CFAP58: variants seen among roughly 807,000 people sequenced by gnomAD.
The protein encoded by CFAP58 is cilia and flagella associated protein 58, also known as cilia- and flagella-associated protein 58.
Under a neutral mutation model 119.5 loss-of-function variants are expected in CFAP58, and 88 were observed. That is an observed-to-expected ratio of 0.74 (90% confidence interval 0.62 to 0.88). CFAP58 has a LOEUF of 0.88. Ranked by LOEUF, CFAP58 falls within the 40% of genes least tolerant of loss-of-function variation. The pLI is 0.00. For missense variants in CFAP58, 990 were observed against 1,021.2 expected (o/e 0.97, Z 0.42); for synonymous variants, 365 against 366.3 (o/e 1.00, Z 0.04).
intron 5 of CFAP58, among the ~76,000 whole-genome samples, chr10:104,367,019 TG>T (rs1404869419): frequency 2.0e-5 from 3 of 151,924 alleles, no homozygotes; most frequent in Admixed American, 6.6e-5. Flanking sequence ...CCACCATGCC[TG>T]GCTAATTTTT....
chr10:104,338,605 C>T, the CFAP58 span, among the ~76,000 whole-genome samples: 2 of 152,176 alleles, frequency 1.3e-5, no homozygotes, highest in Admixed American at 6.5e-5. Flanking sequence ...CCAGTGAGCC[C>T]CCAGAAACTT....
rs367965991 is a variant in CFAP58 at position 104,357,820 on chromosome 10, T to C, written c.10-521T>C. 8.3e-4 allele frequency among the ~76,000 whole-genome samples: 123 copies of C among 147,478 alleles called. 1 individual carries two copies. Among genetic ancestry groups the C allele is most frequent in the Admixed American group, 1.5e-3 (22 of 14,808 alleles). ...ATATATACACACATATATATGTACATATATACACATATATGTACACATATG... is the reference window on the plus strand; with the variant it reads ...ATATATACACACATATATATGTACACATATACACATATATGTACACATATG... On this transcript the variant is annotated intron_variant, in intron 1 of 17. Transcript: ENST00000369704.
intron 15 of CFAP58, among the ~76,000 whole-genome samples, chr10:104,434,826 C>T (rs1051658409): frequency 1.3e-5 from 2 of 152,170 alleles, no homozygotes; most frequent in Non-Finnish European, 2.9e-5. Context: ...CTGCCTCTCC[C>T]ATTAGACTCT....
chr10:104,397,778 C>T (rs1437298729), intron 11 of CFAP58, among the ~76,000 whole-genome samples: 4 of 152,200 alleles, frequency 2.6e-5, no homozygotes, highest in Non-Finnish European at 4.4e-5. Flanking sequence ...TTTGTTCTGA[C>T]CTGGTCTGTG....
Position 104,365,886 on chromosome 10 carries a change from G to C in CFAP58, c.670G>C (p.Glu224Gln), listed in dbSNP as rs755346650. The change falls in exon 5 of 18, where the codon GAG becomes CAG. Residue 224 changes from glutamate to glutamine, a missense_variant. By Grantham distance (29) the Glu-to-Gln change is conservative (BLOSUM62 2). Transcript: ENST00000369704. ...CCGGAAGAAGGAAAAACTAGAGAAAGAGCTCAAGCAGATTCAGGCAGACAT... is the reference window on the plus strand; with the variant it reads ...CCGGAAGAAGGAAAAACTAGAGAAACAGCTCAAGCAGATTCAGGCAGACAT... ...EFRKKEKLEK[E>Q]LKQIQADMDS... 7.4e-6 allele frequency: 12 copies of C among 1,613,556 alleles called. No individual in the cohort carries two copies. The highest frequency in any genetic ancestry group is 1.3e-5 in the African/African-American group (1 of 74,930).
chr10:104,454,643 G>A lies in CFAP58; in HGVS notation c.*113G>A. ...GAACTGAGTGCTGAGAATCCAGGAT[G>A]GAAAGAAATGCAGAACTATCATAGT... On this transcript the variant is annotated 3_prime_UTR_variant, in exon 18 of 18. Transcript: ENST00000369704. 1 of 744,344 alleles carries A rather than the reference G, an allele frequency of 1.3e-6. No individual in the cohort carries two copies. The highest frequency in any genetic ancestry group is 2.3e-6 in the Non-Finnish European group (1 of 428,690). 46.1% of individuals were successfully genotyped at this position (744,344 alleles called of 1,614,324 possible). A position where few individuals can be genotyped will look rare whatever the true frequency, so the allele number is the denominator to read the frequency against.
chr10:104,389,557 C>T (rs1214062608), intron 9 of CFAP58, among the ~76,000 whole-genome samples: 1 of 152,158 alleles, frequency 6.6e-6, no homozygotes, highest in Non-Finnish European at 1.5e-5. Context: ...AAGCATTAAC[C>T]TTTCAGTCTT....
rs779286581 is a variant in CFAP58, at chr10:104,365,962, G to A, written c.746G>A (p.Ser249Asn). ...IKALQQYVQK[S>N]KEELQKLEQQ... ...GCCCTGCAGCAGTATGTGCAGAAGA[G>A]CAAGGAGGAGCTTCAGAAGCTGGAG... The change falls in exon 5 of 18, where the codon AGC (serine) becomes AAC (asparagine). Residue 249 changes from serine (S) to asparagine (N), a missense_variant. Coordinates refer to ENST00000369704, the MANE Select transcript of CFAP58 (RefSeq NM_001008723.2). 8.7e-6 allele frequency: 14 copies of A among 1,608,696 alleles called. No individual in the cohort carries two copies. The Admixed American group carries it at 1.2e-4, about 14-fold the overall frequency.
intron 15 of CFAP58, among the ~76,000 whole-genome samples, chr10:104,426,434 C>G (rs1041194841): frequency 2.0e-5 from 3 of 151,884 alleles, no homozygotes; most frequent in Non-Finnish European, 4.4e-5. Context: ...TCCTTCCCCC[C>G]GCCGCCTTCC....
rs202205374 is a variant in CFAP58 at position 104,399,464 on chromosome 10, C to G, written c.1779C>G (p.Asp593Glu). The G allele has an allele frequency of 3.1e-6, 5 of 1,613,692 alleles. No homozygotes were observed. The Admixed American group carries it at 5.0e-5, about 16-fold the overall frequency. Residue 593 changes from aspartate to glutamate, a missense_variant, in exon 12 of 18, where the codon GAC (aspartate) becomes GAG (glutamate). By Grantham distance (45) the Asp-to-Glu change is conservative. Transcript: ENST00000369704. ...TCCTGCGAATAATTGCTGAGGCTGA[C>G]GGGGAGAGGTTGAGACAGAAGAAGG... ...RKLLRIIAEA[D>E]GERLRQKKEL...
rs151283244 is a variant in CFAP58 at position 104,381,221 on chromosome 10, C to T, written c.1365+1001C>T. 3.2e-4 allele frequency among the ~76,000 whole-genome samples: 49 copies of T among 152,294 alleles called. 1 individual carries two copies. Among genetic ancestry groups the T allele is most frequent in the African/African-American group, 1.0e-3 (42 of 41,574 alleles). ...TGGAGGAAATCCAAACATTGGGGAG[C>T]TGAGTTCTAGATCTCTGCTTCTTAT... is the stretch of plus-strand genomic sequence containing the variant. On this transcript the variant is annotated intron_variant, in intron 9 of 17. Transcript: ENST00000369704.
At chr10:104,426,208 C>T (rs1353781464) in intron 15 of CFAP58, among the ~76,000 whole-genome samples, 4 of 152,122 alleles carry the variant, frequency 2.6e-5, no homozygotes, top group South Asian at 4.1e-4. Context: ...CAGTGCACTC[C>T]GGTCTGGGCA....
At chr10:104,396,771 A>T (rs1208758372) in intron 11 of CFAP58, among the ~76,000 whole-genome samples, 2 of 152,202 alleles carry the variant, frequency 1.3e-5, no homozygotes, top group African/African-American at 4.8e-5. Context: ...CTCAGGTCCC[A>T]CCTAGGGCGT....
intron 15 of CFAP58, among the ~76,000 whole-genome samples, chr10:104,425,194 C>T (rs2012723600): frequency 6.6e-6 from 1 of 151,968 alleles, no homozygotes; most frequent in Non-Finnish European, 1.5e-5. Context: ...TAGAAAAGGC[C>T]CATGGAAGCA....
intron 10 of CFAP58, 140 bp downstream of exon 10, chr10:104,392,534 A>C (rs1225154118): frequency 5.6e-5 from 30 of 538,110 alleles, no homozygotes. Context: ...CAATTTACGC[A>C]AAACTGTCAG....
At chr10:104,384,038 A>G (rs2011873689) in intron 9 of CFAP58, among the ~76,000 whole-genome samples, 1 of 152,252 alleles carries the variant, frequency 6.6e-6, no homozygotes, top group Non-Finnish European at 1.5e-5. Flanking sequence ...AATAATGAGA[A>G]CTAGGAATCA....
In CFAP58 at chr10:104,393,411, A is replaced by G. The variant is rs971232560; in HGVS notation, c.1610A>G (p.Glu537Gly). Residue 537 changes from glutamate to glycine, a missense_variant, in exon 11 of 18, where the codon GAG becomes GGG. Coordinates refer to ENST00000369704, the MANE Select transcript of CFAP58 (RefSeq NM_001008723.2). ...CTGAAAGAAGACATCTCTGCCAAAG[A>G]GTCCGCACTTGTGAAGCTGCACCTG... is the stretch of plus-strand genomic sequence containing the variant. ...DELKEDISAK[E>G]SALVKLHLEQ... 3 of 1,614,122 alleles carry G rather than the reference A, an allele frequency of 1.9e-6. No homozygotes were observed. The highest frequency in any genetic ancestry group is 2.2e-5 in the East Asian group (1 of 44,882).
rs1564875993 is a variant in CFAP58 at position 104,357,931 on chromosome 10, A to ATG, written c.10-410_10-409insTG. On this transcript the variant is annotated intron_variant, in intron 1 of 17. Transcript: ENST00000369704. ...TATACACACATATATGTACACATAT[A>ATG]CACACATATATGTACACATATATAC... 2.1e-3 allele frequency among the ~76,000 whole-genome samples: 247 copies of ATG among 117,706 alleles called. 6 individuals are homozygous for ATG. In the East Asian group the frequency reaches 0.03, roughly 14 times the overall value. The allele number at this position is 117,706 out of a possible 152,430, so 77.2% of individuals were successfully genotyped here. A position where few individuals can be genotyped will look rare whatever the true frequency, so the allele number is the denominator to read the frequency against.
At chr10:104,402,029 T>A (rs1564893360) in intron 13 of CFAP58, among the ~76,000 whole-genome samples, 1 of 152,218 alleles carries the variant, frequency 6.6e-6, no homozygotes, top group Non-Finnish European at 1.5e-5. Context: ...TCCATTCCCA[T>A]TCAGTATTGC....
Sources: allele counts gnomAD v4.1 joint callset (sites outside exome capture counted in the v4.1 genomes callset), GRCh38; gene constraint gnomAD v4.1.1; transcripts MANE v1.5; gene names NCBI Gene and HGNC (gene_info 2026-07-23, HGNC 2026-07-21).